The following CGNL1 variants were observed in gnomAD, a reference collection of about 807,000 sequenced individuals.
The protein encoded by CGNL1 is cingulin-like protein 1.
CGNL1 carries 132 observed loss-of-function variants against 141.2 expected under a neutral mutation model. That is an observed-to-expected ratio of 0.93 (90% confidence interval 0.81 to 1.08). The LOEUF (loss-of-function observed/expected upper bound fraction) is 1.08. Ranked by LOEUF, CGNL1 falls within the 50% of genes least tolerant of loss-of-function variation. The pLI is 0.00. For synonymous variants in CGNL1, 690 were observed against 622.1 expected, an observed-to-expected ratio of 1.11 and a Z score of -1.63; for missense variants, 1,870 against 1,588.6, an observed-to-expected ratio of 1.18 and a Z score of -3.01.
chr15:57,478,716 G>A (rs896690255), intron 8 of CGNL1, among the ~76,000 whole-genome samples: 8 of 152,326 alleles, frequency 5.3e-5, no homozygotes, highest in Admixed American at 2.6e-4. Context: ...ATGGCTCGCT[G>A]CTGCCTCGAC....
intron 18 of CGNL1, among the ~76,000 whole-genome samples, 196 bp downstream of exon 18, chr15:57,546,435 CATTCTT>C (rs2032872448): frequency 6.6e-6 from 1 of 152,170 alleles, no homozygotes; most frequent in Non-Finnish European, 1.5e-5. Flanking sequence ...TCATGCATGT[CATTCTT>C]ATACCAATGC....
intron 2 of CGNL1, 46 bp downstream of exon 2, chr15:57,439,647 A>G (rs776927763): frequency 6.4e-7 from 1 of 1,560,466 alleles, no homozygotes; most frequent in Admixed American, 1.7e-5. Context: ...TCTTCCTTCT[A>G]AATAATGTAA....
At chr15:57,462,184 G>A (rs151337585) in intron 8 of CGNL1, among the ~76,000 whole-genome samples, 233 of 152,298 alleles carry the variant, frequency 1.5e-3, no homozygotes, top group Non-Finnish European at 2.6e-3. Context: ...TTGCAGAGTG[G>A]AGGGATGTAC....
In CGNL1 at chr15:57,378,856, G is replaced by A. The variant is rs573949661; in HGVS notation, c.-16+2289G>A. On this transcript the variant is annotated intron_variant, in intron 1 of 18. Transcript: ENST00000281282. ...TTTCTCGCTTTTCCCCAACTTCCACGACCATGCTCTGCTGCTACTACTGTA... is the reference window on the plus strand; with the variant it reads ...TTTCTCGCTTTTCCCCAACTTCCACAACCATGCTCTGCTGCTACTACTGTA... Among the ~76,000 whole-genome samples, 9 of 152,170 alleles carry A rather than the reference G, an allele frequency of 5.9e-5. No individual in the cohort carries two copies. The South Asian group carries it at 1.0e-3, about 18-fold the overall frequency.
chr15:57,424,427 G>A (rs2062951190), intron 1 of CGNL1, among the ~76,000 whole-genome samples: 2 of 152,164 alleles, frequency 1.3e-5, no homozygotes, highest in South Asian at 2.1e-4. Flanking sequence ...CTACCAGAGT[G>A]TGGGTTCTGT....
intron 8 of CGNL1, among the ~76,000 whole-genome samples, chr15:57,491,003 C>T (rs556332163): frequency 4.6e-5 from 7 of 152,020 alleles, no homozygotes; most frequent in African/African-American, 9.7e-5. Flanking sequence ...TCTGAGGAGC[C>T]GTCACAGCCA....
intron 4 of CGNL1, 100 bp from the exon 5 acceptor site, chr15:57,451,400 G>A (rs926355943): frequency 3.8e-6 from 3 of 792,864 alleles, no homozygotes; most frequent in Non-Finnish European, 6.1e-6. Flanking sequence ...TTAGTGTTAT[G>A]CCTCATCTGT....
intron 8 of CGNL1, among the ~76,000 whole-genome samples, chr15:57,470,256 C>CTCTTTTTTT (rs758575367): frequency 5.2e-4 from 59 of 113,950 alleles, no homozygotes; most frequent in East Asian, 2.7e-3. Flanking sequence ...TTTTGTCTCT[C>CTCTTTTTTT]TTTTTTTTTT....
intron 1 of CGNL1, among the ~76,000 whole-genome samples, chr15:57,415,436 G>A (rs2062837982): frequency 6.6e-6 from 1 of 152,230 alleles, no homozygotes; most frequent in African/African-American, 2.4e-5. Flanking sequence ...TGGCGTTGAA[G>A]ATGGAGGAAG....
At chr15:57,456,094 G>T (rs2063375902) in intron 7 of CGNL1, among the ~76,000 whole-genome samples, 1 of 152,170 alleles carries the variant, frequency 6.6e-6, no homozygotes, top group African/African-American at 2.4e-5. Flanking sequence ...CTTAAACTAT[G>T]ATCTACGGTT....
intron 1 of CGNL1, among the ~76,000 whole-genome samples, chr15:57,403,032 A>C (rs564173339): frequency 1.3e-5 from 2 of 152,318 alleles, no homozygotes; most frequent in African/African-American, 4.8e-5. Context: ...TGGTGGTTCA[A>C]ATGATGTCAG....
intron 8 of CGNL1, among the ~76,000 whole-genome samples, chr15:57,501,253 A>G (rs564689774): frequency 6.6e-6 from 1 of 152,260 alleles, no homozygotes; most frequent in Non-Finnish European, 1.5e-5. Context: ...GCTTATACCT[A>G]TGAGCCCCTA....
At chr15:57,541,706 T>C (rs1375102079) in intron 14 of CGNL1, among the ~76,000 whole-genome samples, 1 of 152,252 alleles carries the variant, frequency 6.6e-6, no homozygotes, top group African/African-American at 2.4e-5. Context: ...TTCACTTAGA[T>C]GGTCCAGAGA....
chr15:57,470,147 T>C (rs1287326805), intron 8 of CGNL1, among the ~76,000 whole-genome samples: 1 of 151,830 alleles, frequency 6.6e-6, no homozygotes, highest in Admixed American at 6.6e-5. Flanking sequence ...AAGGAAAATA[T>C]CTCTTTTCCA....
chr15:57,389,975 C>T (rs936818041), intron 1 of CGNL1, among the ~76,000 whole-genome samples: 13 of 152,156 alleles, frequency 8.5e-5, no homozygotes, highest in Admixed American at 3.3e-4. Flanking sequence ...GCCACCACAC[C>T]CAGCTAATTG....
intron 8 of CGNL1, among the ~76,000 whole-genome samples, chr15:57,489,222 GA>G (rs1404797901): frequency 6.6e-6 from 1 of 152,158 alleles, no homozygotes; most frequent in African/African-American, 2.4e-5. Flanking sequence ...CTGAATGTAG[GA>G]AAGAGATACT....
intron 1 of CGNL1, among the ~76,000 whole-genome samples, chr15:57,427,588 A>G (rs2062989983): frequency 1.3e-5 from 2 of 152,254 alleles, no homozygotes; most frequent in South Asian, 4.1e-4. Flanking sequence ...GAGGACAAAG[A>G]TGGCTAATTT....
At chr15:57,514,394 C>T (rs768496103) in intron 8 of CGNL1, among the ~76,000 whole-genome samples, 1 of 152,148 alleles carries the variant, frequency 6.6e-6, no homozygotes, top group Non-Finnish European at 1.5e-5. Context: ...ACAAGTGATC[C>T]GCCTGCCTGG....
intron 1 of CGNL1, among the ~76,000 whole-genome samples, chr15:57,418,123 G>C (rs2062870393): frequency 6.6e-6 from 1 of 152,118 alleles, no homozygotes; most frequent in South Asian, 2.1e-4. Context: ...CTGGGAAGAG[G>C]CATTGCTGGG....
Sources: allele counts gnomAD v4.1 joint callset (sites outside exome capture counted in the v4.1 genomes callset), GRCh38; gene constraint gnomAD v4.1.1; transcripts MANE v1.5; gene names NCBI Gene and HGNC (gene_info 2026-07-23, HGNC 2026-07-21).